ZC3H12B: variants seen among roughly 807,000 people sequenced by gnomAD.
The protein encoded by ZC3H12B is probable ribonuclease ZC3H12B.
Under a neutral mutation model 43.9 loss-of-function variants are expected in ZC3H12B, and 7 were observed. The ratio of observed to expected loss-of-function variants is 0.16; its 90% CI spans 0.09 to 0.30. ZC3H12B has a LOEUF of 0.30. Among genes scored for constraint, ZC3H12B ranks in the 10% least tolerant of loss-of-function variants. ZC3H12B has a pLI of 1.00. For missense variants in ZC3H12B, 475 were observed against 670.2 expected, an observed-to-expected ratio of 0.71 and a Z score of 3.22; for synonymous variants, 222 against 241.7, an observed-to-expected ratio of 0.92 and a Z score of 0.76.
intron 2 of ZC3H12B, among the ~76,000 whole-genome samples, chrX:65,497,941 TC>T (rs200738194): frequency 3.6e-3 from 405 of 111,933 alleles, no homozygotes; most frequent in African/African-American, 0.013. Flanking sequence ...TCTCACTCTG[TC>T]ACCTAGGCTA....
chrX:65,331,010 G>T, the ZC3H12B span: 1 of 332,246 alleles, frequency 3.0e-6, no homozygotes, highest in East Asian at 8.4e-5. Flanking sequence ...ATGACTTTTT[G>T]ACGTTCTGTT....
the ZC3H12B span, among the ~76,000 whole-genome samples, chrX:65,054,590 G>T: frequency 3.6e-5 from 4 of 111,666 alleles, no homozygotes; most frequent in African/African-American, 1.3e-4. Context: ...GGTTCTATAT[G>T]AACTTTAAAT....
the ZC3H12B span, among the ~76,000 whole-genome samples, chrX:65,257,066 C>A: frequency 9.0e-6 from 1 of 111,658 alleles, no homozygotes; most frequent in Non-Finnish European, 1.9e-5. Flanking sequence ...GGATCTAGAA[C>A]TAGAAATACC....
At chrX:65,373,579 A>C (rs1048440882) in intron 2 of ZC3H12B, among the ~76,000 whole-genome samples, 18 of 108,680 alleles carry the variant, frequency 1.7e-4, no homozygotes, top group African/African-American at 6.0e-4. Flanking sequence ...GGATGAGTTC[A>C]TGTCCTTTGT....
At chrX:65,183,833 G>A in the ZC3H12B span, among the ~76,000 whole-genome samples, 19 of 111,476 alleles carry the variant, frequency 1.7e-4, no homozygotes, top group Middle Eastern at 4.6e-3. Flanking sequence ...ATGGTTCAAG[G>A]AATATTTATA....
the ZC3H12B span, among the ~76,000 whole-genome samples, chrX:65,045,895 A>G: frequency 5.4e-5 from 6 of 111,899 alleles, no homozygotes; most frequent in Non-Finnish European, 7.5e-5. Context: ...AAACAACATT[A>G]ATCTCTTTGT....
At chrX:65,293,597 TAAAAA>T in the ZC3H12B span, among the ~76,000 whole-genome samples, 372 of 97,780 alleles carry the variant, frequency 3.8e-3, no homozygotes, top group African/African-American at 0.013. Flanking sequence ...CTTAAAGAAA[TAAAAA>T]AAAAAGATAC....
At chrX:65,486,937 A>G (rs2068130498), upstream of ZC3H12B, among the ~76,000 whole-genome samples, 1 of 112,721 alleles carries the variant, frequency 8.9e-6, no homozygotes, top group Non-Finnish European at 1.9e-5. Flanking sequence ...GAAGCTTTGA[A>G]TAAATCCAGG....
intron 2 of ZC3H12B, among the ~76,000 whole-genome samples, chrX:65,381,876 C>A (rs1375441382): frequency 1.8e-5 from 2 of 111,746 alleles, no homozygotes; most frequent in Non-Finnish European, 3.8e-5. Context: ...AATTCCTCGA[C>A]ACATACACTC....
the ZC3H12B span, among the ~76,000 whole-genome samples, chrX:65,244,177 G>A: frequency 9.0e-6 from 1 of 111,012 alleles, no homozygotes; most frequent in South Asian, 3.8e-4. Context: ...AGCTATCCCA[G>A]TTACCCTGAT....
the ZC3H12B span, among the ~76,000 whole-genome samples, chrX:65,339,815 A>T: frequency 1.8e-5 from 2 of 111,713 alleles, no homozygotes; most frequent in Admixed American, 9.4e-5. Flanking sequence ...ATCACACACA[A>T]GCCCACCCAC....
At chrX:65,251,354 T>C in the ZC3H12B span, among the ~76,000 whole-genome samples, 3 of 111,706 alleles carry the variant, frequency 2.7e-5, no homozygotes, top group Admixed American at 1.9e-4. Flanking sequence ...TGTAGTATAG[T>C]TTGAAATCAG....
the ZC3H12B span, among the ~76,000 whole-genome samples, chrX:65,225,152 C>A: frequency 2.7e-5 from 3 of 111,473 alleles, no homozygotes; most frequent in South Asian, 3.8e-4. Flanking sequence ...ACAACTCACA[C>A]GACCAGGTAC....
intron 3 of ZC3H12B, among the ~76,000 whole-genome samples, chrX:65,424,034 G>T (rs909682887): frequency 9.0e-6 from 1 of 111,596 alleles, no homozygotes; most frequent in Non-Finnish European, 1.9e-5. Context: ...TAATCATGTG[G>T]TTTTTGTCAT....
At chrX:65,245,942 G>T in the ZC3H12B span, among the ~76,000 whole-genome samples, 3 of 111,214 alleles carry the variant, frequency 2.7e-5, no homozygotes, top group East Asian at 8.5e-4. Flanking sequence ...AAAAGAAAGG[G>T]CATCCAAATA....
intron 2 of ZC3H12B, among the ~76,000 whole-genome samples, chrX:65,497,942 C>G (rs1055145442): frequency 9.0e-6 from 1 of 111,004 alleles, no homozygotes; most frequent in Non-Finnish European, 1.9e-5. Context: ...CTCACTCTGT[C>G]ACCTAGGCTA....
the ZC3H12B span, among the ~76,000 whole-genome samples, chrX:65,062,766 C>A: frequency 8.9e-6 from 1 of 111,931 alleles, no homozygotes; most frequent in Admixed American, 9.4e-5. Flanking sequence ...GCCATTTTCA[C>A]GATATTGATT....
upstream of ZC3H12B, among the ~76,000 whole-genome samples, chrX:65,366,011 A>T (rs1441119073): frequency 9.0e-6 from 1 of 110,939 alleles, no homozygotes; most frequent in Non-Finnish European, 1.9e-5. Flanking sequence ...TTCACCAAAG[A>T]ATATATATAT....
the ZC3H12B span, among the ~76,000 whole-genome samples, chrX:65,212,194 AAT>A: frequency 2.9e-4 from 13 of 45,203 alleles, no homozygotes; most frequent in African/African-American, 1.1e-3. Context: ...TATATTATAT[AAT>A]ATAATTATTA....
Sources: gnomAD v4.1 joint callset for allele counts (sites outside exome capture counted in the v4.1 genomes callset) on GRCh38, gnomAD v4.1.1 for gene constraint, MANE v1.5 for transcripts, NCBI Gene and HGNC (gene_info 2026-07-23, HGNC 2026-07-21) for gene names.